The following OPCML variants were observed in gnomAD, a reference collection of about 807,000 sequenced individuals.
OPCML encodes the protein opioid binding protein/cell adhesion molecule like, also known as opioid-binding protein/cell adhesion molecule.
OPCML carries 13 observed loss-of-function variants against 37.8 expected under a neutral mutation model. The ratio of observed to expected loss-of-function variants is 0.34; its 90% CI spans 0.22 to 0.55. The LOEUF (loss-of-function observed/expected upper bound fraction) is 0.55. Among genes scored for constraint, OPCML ranks in the 20% least tolerant of loss-of-function variants. The probability of loss-of-function intolerance (pLI) is 0.91; values close to 1 mark genes in which losing one functional copy is unlikely to be tolerated. For synonymous variants in OPCML, 176 were observed against 168.8 expected, an observed-to-expected ratio of 1.04 and a Z score of -0.33; for missense variants, 341 against 435.6, an observed-to-expected ratio of 0.78 and a Z score of 1.93.
At chr11:133,146,765 A>G (rs952407425) in intron 1 of OPCML, among the ~76,000 whole-genome samples, 1 of 152,088 alleles carries the variant, frequency 6.6e-6, no homozygotes, top group African/African-American at 2.4e-5. Flanking sequence ...CGGGACCTCT[A>G]TCTCCTATCC....
chr11:133,484,152 ATAGATAGATAGG>A (rs1483128508), intron 1 of OPCML, among the ~76,000 whole-genome samples: 112 of 148,594 alleles, frequency 7.5e-4, no homozygotes, highest in African/African-American at 2.6e-3. Context: ...AGATGGATAG[ATAGATAGATAGG>A]TAGATAGATA....
At chr11:132,463,122 C>A (rs1279299625) in intron 4 of OPCML, among the ~76,000 whole-genome samples, 1 of 152,334 alleles carries the variant, frequency 6.6e-6, no homozygotes, top group Non-Finnish European at 1.5e-5. Context: ...AGTCTCTTCT[C>A]CCAACTCCTC....
At chr11:132,805,981 C>T (rs1485711993) in intron 2 of OPCML, among the ~76,000 whole-genome samples, 1 of 151,836 alleles carries the variant, frequency 6.6e-6, no homozygotes, top group Non-Finnish European at 1.5e-5. Context: ...ACACAGAAAA[C>T]AAGGACAGGT....
At chr11:132,841,013 A>C (rs1656687299) in intron 2 of OPCML, among the ~76,000 whole-genome samples, 2 of 152,084 alleles carry the variant, frequency 1.3e-5, no homozygotes, top group Non-Finnish European at 2.9e-5. Context: ...AACTTCTCTA[A>C]CCTCAGAGTC....
In OPCML at chr11:132,803,525, G is replaced by A. The variant is rs76978862; in HGVS notation, c.146+139401C>T. On this transcript the variant is annotated intron_variant, in intron 2 of 7. Coordinates refer to ENST00000524381, the MANE Select transcript of OPCML (RefSeq NM_001012393.5). ...GAATATTAAAACCTCCTGGTGGAAT[G>A]AGGTAAAATTGATGGGACATGGTGG... Among the ~76,000 whole-genome samples, 15 of 152,320 alleles carry A rather than the reference G, an allele frequency of 9.8e-5. No homozygotes were observed. The East Asian group carries it at 2.9e-3, about 29-fold the overall frequency.
intron 2 of OPCML, among the ~76,000 whole-genome samples, chr11:132,932,434 A>C (rs190367626): frequency 8.5e-5 from 13 of 152,194 alleles, no homozygotes; most frequent in African/African-American, 3.1e-4. Flanking sequence ...TACTGATGTG[A>C]ACCCTAACAG....
intron 1 of OPCML, among the ~76,000 whole-genome samples, chr11:133,266,510 G>T (rs1941663698): frequency 6.6e-6 from 1 of 152,156 alleles, no homozygotes; most frequent in Admixed American, 6.5e-5. Context: ...ATACCATGTT[G>T]TTGTCACTGC....
chr11:132,891,268 A>G (rs536545398), intron 2 of OPCML, among the ~76,000 whole-genome samples: 1 of 152,266 alleles, frequency 6.6e-6, no homozygotes, highest in African/African-American at 2.4e-5. Flanking sequence ...GCACACAGCA[A>G]TTGTTGCTGT....
chr11:132,777,201 A>G (rs959031120), intron 2 of OPCML, among the ~76,000 whole-genome samples: 3 of 152,184 alleles, frequency 2.0e-5, no homozygotes, highest in Non-Finnish European at 4.4e-5. Flanking sequence ...TTTGTGTTCT[A>G]AGAAAAAGAG....
intron 1 of OPCML, among the ~76,000 whole-genome samples, chr11:133,316,344 C>T (rs573800051): frequency 6.6e-6 from 1 of 152,272 alleles, no homozygotes; most frequent in East Asian, 1.9e-4. Context: ...GGCACCAGCC[C>T]CTTTTTATTC....
intron 1 of OPCML, among the ~76,000 whole-genome samples, chr11:133,126,863 T>C (rs1418026291): frequency 1.3e-5 from 2 of 152,020 alleles, no homozygotes; most frequent in Non-Finnish European, 2.9e-5. Context: ...GGGGTAGCAA[T>C]GGAAAAGGTG....
intron 1 of OPCML, chr11:133,118,525 G>A (rs1949371720): frequency 3.4e-6 from 2 of 587,264 alleles, no homozygotes; most frequent in Non-Finnish European, 2.1e-6. Context: ...TCAGTAGCAA[G>A]ACTCATGGAG....
In OPCML at chr11:133,212,250, A is replaced by G. The variant is rs760864558; in HGVS notation, c.62-269240T>C. 7.9e-5 allele frequency among the ~76,000 whole-genome samples: 12 copies of G among 152,200 alleles called. No individual in the cohort carries two copies. The highest frequency in any genetic ancestry group is 1.5e-4 in the Non-Finnish European group (10 of 68,028). ...TCCTGCCCACCACCCCGATAGGTGCACAAAGTCCTCCTAATAGTCCGTGAC... is the reference window on the plus strand; with the variant it reads ...TCCTGCCCACCACCCCGATAGGTGCGCAAAGTCCTCCTAATAGTCCGTGAC... On this transcript the variant is annotated intron_variant, in intron 1 of 7. Transcript: ENST00000524381. The surrounding 1 kb of genome is among the most constrained non-coding windows in gnomAD (Gnocchi z 4.9).
intron 2 of OPCML, among the ~76,000 whole-genome samples, chr11:132,754,614 C>T (rs933961179): frequency 1.3e-5 from 2 of 151,968 alleles, no homozygotes; most frequent in Admixed American, 6.6e-5. Flanking sequence ...GAAGTAGGCA[C>T]CATGTCACAT....
chr11:133,413,293 A>T (rs1335383760), intron 1 of OPCML, among the ~76,000 whole-genome samples: 4 of 149,686 alleles, frequency 2.7e-5, no homozygotes, highest in African/African-American at 4.9e-5. Context: ...TCACATGGAC[A>T]CAGGAAGGGG....
intron 2 of OPCML, among the ~76,000 whole-genome samples, chr11:132,710,266 A>T (rs908107071): frequency 1.3e-5 from 2 of 151,562 alleles, no homozygotes; most frequent in African/African-American, 4.8e-5. Context: ...TTTCTCAGTT[A>T]AAAAAAAATC....
chr11:132,602,884 G>A (rs1181087260), intron 3 of OPCML, among the ~76,000 whole-genome samples: 1 of 152,222 alleles, frequency 6.6e-6, no homozygotes, highest in African/African-American at 2.4e-5. Context: ...CTAAACCAAT[G>A]GCTTAGTGCT....
At chr11:133,464,303 CATTT>C (rs1946926836) in intron 1 of OPCML, among the ~76,000 whole-genome samples, 1 of 149,296 alleles carries the variant, frequency 6.7e-6, no homozygotes, top group South Asian at 2.1e-4. Flanking sequence ...CTCGCTTATT[CATTT>C]ATTCATTCTT....
intron 2 of OPCML, among the ~76,000 whole-genome samples, chr11:132,718,241 G>A (rs913065198): frequency 7.9e-5 from 12 of 152,148 alleles, no homozygotes; most frequent in Non-Finnish European, 1.6e-4. Flanking sequence ...TGGAGCAGAC[G>A]TGATTTAAAT....
Sources: allele counts gnomAD v4.1 joint callset (sites outside exome capture counted in the v4.1 genomes callset), GRCh38; gene constraint gnomAD v4.1.1; non-coding constraint Gnocchi (gnomAD v3.1); transcripts MANE v1.5; gene names NCBI Gene and HGNC (gene_info 2026-07-23, HGNC 2026-07-21).